SPOCK1: variants seen among roughly 807,000 people sequenced by gnomAD.
SPOCK1 encodes testican-1.
Under a neutral mutation model 55.3 loss-of-function variants are expected in SPOCK1, and 23 were observed. The ratio of observed to expected loss-of-function variants is 0.42; its 90% CI spans 0.30 to 0.59. The LOEUF (loss-of-function observed/expected upper bound fraction) is 0.59. Among genes scored for constraint, SPOCK1 ranks in the 20% least tolerant of loss-of-function variants. The pLI, the probability that SPOCK1 is intolerant of heterozygous loss-of-function variation, is 0.22. For synonymous variants in SPOCK1, 226 were observed against 221.0 expected, an observed-to-expected ratio of 1.02 and a Z score of -0.20; for missense variants, 499 against 552.5, an observed-to-expected ratio of 0.90 and a Z score of 0.97.
At chr5:137,078,479 C>T (rs1046856854) in intron 5 of SPOCK1, among the ~76,000 whole-genome samples, 4 of 152,152 alleles carry the variant, frequency 2.6e-5, no homozygotes, top group African/African-American at 9.7e-5. Context: ...ACTCACACCT[C>T]TCCAGCTGTG....
chr5:137,149,085 A>C (rs1461556121), intron 3 of SPOCK1, among the ~76,000 whole-genome samples: 1 of 152,250 alleles, frequency 6.6e-6, no homozygotes, highest in Non-Finnish European at 1.5e-5. Flanking sequence ...CAAAAGTGCG[A>C]GCTGCTTTTA....
intron 2 of SPOCK1, among the ~76,000 whole-genome samples, chr5:137,492,400 A>G (rs1242605008): frequency 1.3e-5 from 2 of 152,234 alleles, no homozygotes; most frequent in Non-Finnish European, 2.9e-5. Flanking sequence ...TGAGCACAAA[A>G]CCAACATAGG....
intron 3 of SPOCK1, among the ~76,000 whole-genome samples, chr5:137,252,654 A>G (rs999219797): frequency 4.6e-5 from 7 of 152,220 alleles, no homozygotes; most frequent in African/African-American, 1.7e-4. Flanking sequence ...CAAACACATA[A>G]TAATGCCTCT....
chr5:137,210,188 C>T (rs1323898410), intron 3 of SPOCK1, among the ~76,000 whole-genome samples: 1 of 152,190 alleles, frequency 6.6e-6, no homozygotes, highest in Non-Finnish European at 1.5e-5. Context: ...GTTTCAATTT[C>T]ATTCCATGCT....
chr5:137,176,620 C>G lies in SPOCK1; in HGVS notation c.233-35926G>C, dbSNP rs541021903. On this transcript the variant is annotated intron_variant, in intron 3 of 10. Coordinates refer to ENST00000394945, the MANE Select transcript of SPOCK1 (RefSeq NM_004598.4). ...GTAATTAAAAATGACTCTAAGAACCCGTCATACCTGTTAAGTCCTCAGAAA... is the reference window on the plus strand; with the variant it reads ...GTAATTAAAAATGACTCTAAGAACCGGTCATACCTGTTAAGTCCTCAGAAA... Among the ~76,000 whole-genome samples the G allele has an allele frequency of 4.6e-5, 7 of 152,126 alleles. No homozygotes were observed. The South Asian group carries it at 1.0e-3, about 23-fold the overall frequency.
At chr5:137,183,051 C>A (rs2127065349) in intron 3 of SPOCK1, among the ~76,000 whole-genome samples, 1 of 152,282 alleles carries the variant, frequency 6.6e-6, no homozygotes, top group East Asian at 1.9e-4. Flanking sequence ...CATGTACATC[C>A]CCTATAGTCT....
intron 3 of SPOCK1, among the ~76,000 whole-genome samples, chr5:137,233,458 T>C (rs1221272294): frequency 6.6e-6 from 1 of 152,072 alleles, no homozygotes; most frequent in Non-Finnish European, 1.5e-5. Flanking sequence ...GAGGTGGAGC[T>C]CAGGCAGTGA....
intron 2 of SPOCK1, among the ~76,000 whole-genome samples, chr5:137,391,231 T>A (rs1751716191): frequency 6.6e-6 from 1 of 152,204 alleles, no homozygotes; most frequent in Non-Finnish European, 1.5e-5. Flanking sequence ...AGACGTGAAC[T>A]CATCCTTTTT....
At chr5:137,194,392 C>G (rs764481641) in intron 3 of SPOCK1, among the ~76,000 whole-genome samples, 1 of 152,140 alleles carries the variant, frequency 6.6e-6, no homozygotes. Context: ...GGGAACAGCT[C>G]GTACAAGGGC....
chr5:137,150,095 T>A (rs1222476535), intron 3 of SPOCK1, among the ~76,000 whole-genome samples: 1 of 152,198 alleles, frequency 6.6e-6, no homozygotes, highest in African/African-American at 2.4e-5. Context: ...CAAGGGACCC[T>A]GGACACTTCA....
intron 7 of SPOCK1, 125 bp from the exon 8 acceptor site, chr5:136,988,768 T>G: frequency 1.3e-6 from 1 of 755,176 alleles, no homozygotes; most frequent in Non-Finnish European, 2.1e-6. Flanking sequence ...GGCTGTTTCC[T>G]TCCCAGCATA....
At chr5:137,210,678 A>G (rs6890816) in intron 3 of SPOCK1, among the ~76,000 whole-genome samples, 4,949 of 152,286 alleles carry the variant, frequency 0.032, 150 homozygotes, top group East Asian at 0.13. Flanking sequence ...CAGAGCTGTC[A>G]TTCTCTAGAT....
At chr5:136,982,386 G>C (rs781205371) in intron 9 of SPOCK1, among the ~76,000 whole-genome samples, 2 of 152,120 alleles carry the variant, frequency 1.3e-5, no homozygotes, top group Non-Finnish European at 2.9e-5. Flanking sequence ...TAATAAATGT[G>C]TTTGACCTGT....
intron 2 of SPOCK1, among the ~76,000 whole-genome samples, chr5:137,335,209 T>C (rs2127153236): frequency 6.6e-6 from 1 of 152,302 alleles, no homozygotes; most frequent in East Asian, 1.9e-4. Flanking sequence ...TACACATCAA[T>C]AAAACTGTAA....
intron 3 of SPOCK1, among the ~76,000 whole-genome samples, chr5:137,191,258 G>T (rs1367336106): frequency 6.6e-6 from 1 of 152,200 alleles, no homozygotes; most frequent in Non-Finnish European, 1.5e-5. Context: ...GTTTTATGAA[G>T]AATAAATAAG....
chr5:137,486,851 C>T (rs1006966058), intron 2 of SPOCK1, among the ~76,000 whole-genome samples: 4 of 152,208 alleles, frequency 2.6e-5, no homozygotes, highest in Non-Finnish European at 5.9e-5. Flanking sequence ...GTGATGCAGG[C>T]CTCATTCCAG....
At chr5:137,275,722 C>T (rs1757053224) in intron 2 of SPOCK1, among the ~76,000 whole-genome samples, 1 of 152,220 alleles carries the variant, frequency 6.6e-6, no homozygotes, top group South Asian at 2.1e-4. Flanking sequence ...CCACCTACCA[C>T]TTTCAGGGTC....
rs916584138 is a variant in SPOCK1, at chr5:137,235,802, T to C, written c.232+31208A>G. Among the ~76,000 whole-genome samples, 5 of 152,220 alleles carry C rather than the reference T, an allele frequency of 3.3e-5. No homozygotes were observed. In the South Asian group the frequency reaches 6.2e-4, roughly 19 times the overall value. ...TGTTAGTGTGTAAGGATGGAATGTG[T>C]GAGTACAAGAGGCAGGCAGCTCACA... On this transcript the variant is annotated intron_variant, in intron 3 of 10. Coordinates refer to ENST00000394945, the MANE Select transcript of SPOCK1 (RefSeq NM_004598.4).
intron 2 of SPOCK1, among the ~76,000 whole-genome samples, chr5:137,290,014 T>G (rs937131059): frequency 5.3e-5 from 8 of 152,122 alleles, no homozygotes; most frequent in African/African-American, 1.7e-4. Context: ...AGCATTAAAG[T>G]GCTACAGCTG....
Sources: allele counts gnomAD v4.1 joint callset (sites outside exome capture counted in the v4.1 genomes callset), GRCh38; gene constraint gnomAD v4.1.1; transcripts MANE v1.5; gene names NCBI Gene and HGNC (gene_info 2026-07-23, HGNC 2026-07-21).